TBC1D12: variants seen among roughly 807,000 people sequenced by gnomAD.
The protein encoded by TBC1D12 is TBC1 domain family, member 12.
A neutral mutation model predicts 86.7 loss-of-function variants in TBC1D12; 56 were observed. That is an observed-to-expected ratio of 0.65 (90% CI 0.52 to 0.81). The LOEUF is 0.81. Among genes scored for constraint, TBC1D12 ranks in the 30% least tolerant of loss-of-function variants. The pLI, the probability that TBC1D12 is intolerant of heterozygous loss-of-function variation, is 0.00. For synonymous variants in TBC1D12, 421 were observed against 411.7 expected (o/e 1.02, Z -0.27); for missense variants, 1,023 against 1,038.8 (o/e 0.98, Z 0.21).
At chr10:94,403,785 G>A (rs1031408846) in intron 1 of TBC1D12, among the ~76,000 whole-genome samples, 2 of 152,164 alleles carry the variant, frequency 1.3e-5, no homozygotes, top group Non-Finnish European at 2.9e-5. Flanking sequence ...GTTTCTATAG[G>A]AGAAGTTGTG....
At chr10:94,498,514 C>T (rs1177169649) in intron 5 of TBC1D12, among the ~76,000 whole-genome samples, 1 of 151,982 alleles carries the variant, frequency 6.6e-6, no homozygotes, top group African/African-American at 2.4e-5. Context: ...AGTGCAGTGG[C>T]GCGATCTCAG....
intron 11 of TBC1D12, among the ~76,000 whole-genome samples, chr10:94,524,027 A>G (rs1371827883): frequency 6.6e-6 from 1 of 152,180 alleles, no homozygotes; most frequent in Non-Finnish European, 1.5e-5. Flanking sequence ...CCATTTTATT[A>G]CTTGTGTTTA....
intron 1 of TBC1D12, among the ~76,000 whole-genome samples, chr10:94,415,607 G>A (rs954131390): frequency 3.9e-5 from 6 of 152,130 alleles, no homozygotes; most frequent in Non-Finnish European, 8.8e-5. Flanking sequence ...GGTGGCGGGT[G>A]CCTGTAGTCC....
At chr10:94,468,109 A>G (rs1171977001) in intron 2 of TBC1D12, among the ~76,000 whole-genome samples, 2 of 152,228 alleles carry the variant, frequency 1.3e-5, no homozygotes, top group Non-Finnish European at 2.9e-5. Flanking sequence ...GCACTTGAGT[A>G]TAATGGAAGA....
chr10:94,519,424 G>C (rs1384710681), intron 9 of TBC1D12, among the ~76,000 whole-genome samples: 1 of 152,198 alleles, frequency 6.6e-6, no homozygotes, highest in Non-Finnish European at 1.5e-5. Flanking sequence ...AGGCGCAGTG[G>C]CTCATGCCTG....
chr10:94,465,773 C>T (rs149946872), intron 2 of TBC1D12, among the ~76,000 whole-genome samples: 4,596 of 146,640 alleles, frequency 0.031, 114 homozygotes, highest in Middle Eastern at 0.14. Flanking sequence ...CATACGTATA[C>T]GCATACATAC....
Position 94,511,606 on chromosome 10 carries a change from G to A in TBC1D12, c.1713G>A (p.Leu571=), listed in dbSNP as rs2134207721. 1.2e-6 allele frequency: 2 copies of A among 1,612,396 alleles called. No individual in the cohort carries two copies. Among genetic ancestry groups the A allele is most frequent in the Non-Finnish European group, 1.7e-6 (2 of 1,178,844 alleles). ...AGGGTGGTCCATATCATGATGTCTTGCATAGTATTTTAGGGGCATACACAT... is the reference window on the plus strand; with the variant it reads ...AGGGTGGTCCATATCATGATGTCTTACATAGTATTTTAGGGGCATACACAT... The part of the protein sequence containing the change: ...FQKGGPYHDV[L]HSILGAYTCY... The change falls in exon 9 of 13, where the codon TTG becomes TTA. Residue 571 remains leucine (L), a synonymous_variant. Transcript: ENST00000225235.
chr10:94,487,242 CT>C (rs60104750), intron 3 of TBC1D12, among the ~76,000 whole-genome samples: 4,349 of 127,528 alleles, frequency 0.034, 195 homozygotes, highest in African/African-American at 0.11. Context: ...ATCATTGGGT[CT>C]TTTTTTTTTT....
chr10:94,525,643 G>C (rs1293950565), intron 11 of TBC1D12, among the ~76,000 whole-genome samples: 1 of 124,942 alleles, frequency 8.0e-6, no homozygotes, highest in Non-Finnish European at 1.6e-5. Flanking sequence ...CTGGGCTACA[G>C]AGCAAGACTC....
At chr10:94,488,272 C>G (rs1319485563) in intron 3 of TBC1D12, among the ~76,000 whole-genome samples, 1 of 151,260 alleles carries the variant, frequency 6.6e-6, no homozygotes, top group Non-Finnish European at 1.5e-5. Context: ...CCTGTAATCT[C>G]AGCTACTTGG....
At chr10:94,439,961 A>G (rs1055032170) in intron 1 of TBC1D12, among the ~76,000 whole-genome samples, 5 of 152,214 alleles carry the variant, frequency 3.3e-5, no homozygotes, top group African/African-American at 1.2e-4. Context: ...TGAGGCTTCA[A>G]ATTTTTTTCT....
In TBC1D12 at chr10:94,410,154, A is replaced by C. The variant is rs531279532; in HGVS notation, c.971+6570A>C. Among the ~76,000 whole-genome samples the C allele has an allele frequency of 2.0e-5, 3 of 152,294 alleles. No homozygotes were observed. In the East Asian group the frequency reaches 5.8e-4, roughly 29 times the overall value. On this transcript the variant is annotated intron_variant, in intron 1 of 12. Transcript: ENST00000225235. ...AAAGCCAATGATGCTGTTGACAGATAAATAATCTTTTATTTGCTAGATATG... is the reference window on the plus strand; with the variant it reads ...AAAGCCAATGATGCTGTTGACAGATCAATAATCTTTTATTTGCTAGATATG...
In TBC1D12 at chr10:94,403,455, G is replaced by A. The variant is rs1315968317; in HGVS notation, c.842G>A (p.Arg281His). 6.5e-7 allele frequency: 1 copy of A among 1,543,926 alleles called. No homozygotes were observed. The highest frequency in any genetic ancestry group is 8.7e-7 in the Non-Finnish European group (1 of 1,145,288). Reference protein sequence around the residue: ...FNSRNTFQVSRGQSARDHLPP... With the variant: ...FNSRNTFQVSHGQSARDHLPP... ...TCTCGCAACACGTTCCAGGTGAGCC[G>A]CGGTCAGAGCGCCCGCGATCACCTG... Residue 281 changes from arginine (R) to histidine (H), a missense_variant, in exon 1 of 13, where the codon CGC becomes CAC. By Grantham distance (29) the Arg-to-His change is conservative. Around this residue, in one of 2 missense-constraint regions of TBC1D12, gnomAD observed 628 missense variants for 531.1 expected, o/e 1.18. Coordinates refer to ENST00000225235, the MANE Select transcript of TBC1D12 (RefSeq NM_015188.2).
intron 9 of TBC1D12, among the ~76,000 whole-genome samples, chr10:94,518,004 T>C (rs968741016): frequency 5.9e-5 from 9 of 151,840 alleles, no homozygotes; most frequent in Non-Finnish European, 1.3e-4. Flanking sequence ...AATACAAAAA[T>C]TAGCCAGGTG....
chr10:94,469,887 G>A lies in TBC1D12; in HGVS notation c.1096-4781G>A, dbSNP rs558259015. 2.6e-5 allele frequency among the ~76,000 whole-genome samples: 4 copies of A among 152,276 alleles called. No homozygotes were observed. In the East Asian group the frequency reaches 7.7e-4, roughly 29 times the overall value. On this transcript the variant is annotated intron_variant, in intron 2 of 12. Transcript: ENST00000225235. ...CCCTGATGTTCAGTATTGCCTCCAG[G>A]CATAACAGTTGAGTGATCCTCAGGC...
intron 3 of TBC1D12, 133 bp from the exon 4 acceptor site, chr10:94,493,232 C>CT: frequency 1.4e-6 from 1 of 695,082 alleles, no homozygotes; most frequent in East Asian, 2.7e-5. Context: ...TCTTTTCAGC[C>CT]TTTCACTTCC....
chr10:94,530,084 A>G (rs1424570676), intron 11 of TBC1D12, among the ~76,000 whole-genome samples: 2 of 152,172 alleles, frequency 1.3e-5, no homozygotes, highest in African/African-American at 4.8e-5. Context: ...GATTTTTTTA[A>G]AAATTATTTT....
At chr10:94,407,840 C>A (rs2054878402) in intron 1 of TBC1D12, among the ~76,000 whole-genome samples, 1 of 152,044 alleles carries the variant, frequency 6.6e-6, no homozygotes, top group Admixed American at 6.6e-5. Flanking sequence ...GTAGCGTATG[C>A]CTGTAGTCCC....
At chr10:94,511,521 T>A (rs2056526868) in intron 8 of TBC1D12, 62 bp from the exon 9 acceptor site, 1 of 994,278 alleles carries the variant, frequency 1.0e-6, no homozygotes, top group African/African-American at 1.6e-5. Flanking sequence ...TAACATGTTA[T>A]ATGAAAATTA....
Sources: allele counts gnomAD v4.1 joint callset (sites outside exome capture counted in the v4.1 genomes callset), GRCh38; gene constraint gnomAD v4.1.1; regional missense constraint gnomAD v4.1.1; transcripts MANE v1.5; gene names NCBI Gene and HGNC (gene_info 2026-07-23, HGNC 2026-07-21).